C10orf90: variants seen among roughly 807,000 people sequenced by gnomAD.
C10orf90 encodes chromosome 10 open reading frame 90, also known as (E2-independent) E3 ubiquitin-conjugating enzyme FATS.
Under a neutral mutation model 62.5 loss-of-function variants are expected in C10orf90, and 56 were observed. The observed-to-expected ratio is 0.90, with a 90% CI of 0.72 to 1.12. C10orf90 has a LOEUF of 1.12. C10orf90 is among the 50% of genes most tolerant of loss of function. The probability of loss-of-function intolerance (pLI) is 0.00; values close to 1 mark genes in which losing one functional copy is unlikely to be tolerated. For missense variants in C10orf90, 970 were observed against 880.4 expected (o/e 1.10, Z -1.29); for synonymous variants, 386 against 340.4 (o/e 1.13, Z -1.47).
chr10:126,560,322 T>C (rs1025883409), intron 2 of C10orf90, among the ~76,000 whole-genome samples: 7 of 152,206 alleles, frequency 4.6e-5, no homozygotes, highest in African/African-American at 7.2e-5. Context: ...AAATTAATTT[T>C]CCACTTTACT....
chr10:126,518,391 C>T (rs542868375), intron 2 of C10orf90, among the ~76,000 whole-genome samples: 11 of 152,114 alleles, frequency 7.2e-5, no homozygotes, highest in Non-Finnish European at 1.5e-5. Flanking sequence ...CTTAAGACAT[C>T]TTTTACAGAT....
intron 2 of C10orf90, among the ~76,000 whole-genome samples, chr10:126,629,050 C>T (rs1242109281): frequency 6.6e-6 from 1 of 152,190 alleles, no homozygotes; most frequent in African/African-American, 2.4e-5. Context: ...TGCCAATGCA[C>T]AAATTAGGAT....
chr10:126,600,609 A>T (rs1448406052), intron 2 of C10orf90, among the ~76,000 whole-genome samples: 2 of 152,208 alleles, frequency 1.3e-5, no homozygotes, highest in African/African-American at 4.8e-5. Flanking sequence ...TAATGCTCTG[A>T]ATTTAAAAGT....
chr10:126,596,110 G>A (rs1432987638), intron 2 of C10orf90, among the ~76,000 whole-genome samples: 1 of 150,330 alleles, frequency 6.7e-6, no homozygotes, highest in African/African-American at 2.5e-5. Flanking sequence ...ATCAGCCTGG[G>A]CTACATAGTG....
intron 4 of C10orf90, among the ~76,000 whole-genome samples, chr10:126,477,110 T>TTTTTTTTTTTG (rs1860928201): frequency 1.2e-5 from 1 of 84,690 alleles, no homozygotes; most frequent in Non-Finnish European, 2.3e-5. Context: ...TTTTTTTTTT[T>TTTTTTTTTTTG]TTTTTTTTGG....
In C10orf90 at chr10:126,670,469, A is replaced by G. The variant is rs1449771656; in HGVS notation, c.12T>C (p.Ser4=). The G allele has an allele frequency of 2.2e-6, 1 of 456,562 alleles. No individual in the cohort carries two copies. The highest frequency in any genetic ancestry group is 4.4e-6 in the Non-Finnish European group (1 of 226,974). The allele number at this position is 456,562 out of a possible 1,614,324, so 28.3% of individuals were successfully genotyped here. ...GCGGATGAGTTTTTGTAGGAATTCCAGAGTGCTGCATGAGACTCAGTATCT... is the reference window on the plus strand; with the variant it reads ...GCGGATGAGTTTTTGTAGGAATTCCGGAGTGCTGCATGAGACTCAGTATCT... The part of the protein sequence containing the change: MQH[S]GIPTKTHPQG... Residue 4 remains serine (S), a synonymous_variant, in exon 1 of 10, where the codon TCT becomes TCC. Coordinates refer to ENST00000488181, the MANE Select transcript of C10orf90 (RefSeq NM_001350921.2).
At chr10:126,545,663 A>G (rs1054338066) in intron 2 of C10orf90, among the ~76,000 whole-genome samples, 2 of 152,154 alleles carry the variant, frequency 1.3e-5, no homozygotes, top group East Asian at 1.9e-4. Flanking sequence ...AAATATGAGA[A>G]AGATGTATCC....
intron 4 of C10orf90, among the ~76,000 whole-genome samples, chr10:126,484,630 C>T (rs1590987743): frequency 6.6e-6 from 1 of 152,172 alleles, no homozygotes; most frequent in African/African-American, 2.4e-5. Flanking sequence ...GCGCACATTA[C>T]CACGATACTT....
intron 2 of C10orf90, among the ~76,000 whole-genome samples, chr10:126,601,191 G>T (rs1441575724): frequency 6.6e-6 from 1 of 152,158 alleles, no homozygotes; most frequent in Non-Finnish European, 1.5e-5. Flanking sequence ...GTCACCAGGG[G>T]TAGGGGCTGA....
intron 2 of C10orf90, among the ~76,000 whole-genome samples, chr10:126,605,578 T>A (rs1434837445): frequency 6.6e-6 from 1 of 152,150 alleles, no homozygotes; most frequent in Non-Finnish European, 1.5e-5. Context: ...TCCTCGCAGC[T>A]CCTAGCCCCT....
chr10:126,572,143 G>A (rs927855053), intron 2 of C10orf90, among the ~76,000 whole-genome samples: 1 of 152,142 alleles, frequency 6.6e-6, no homozygotes, highest in African/African-American at 2.4e-5. Flanking sequence ...GGCGATAGGA[G>A]GTCGGCAGAA....
At chr10:126,558,645 T>C (rs972583786) in intron 2 of C10orf90, among the ~76,000 whole-genome samples, 1 of 152,208 alleles carries the variant, frequency 6.6e-6, no homozygotes, top group Non-Finnish European at 1.5e-5. Flanking sequence ...TGAGTGGGGC[T>C]CCTTGCTCTG....
chr10:126,626,905 A>T (rs1845753831), intron 2 of C10orf90, among the ~76,000 whole-genome samples: 1 of 152,168 alleles, frequency 6.6e-6, no homozygotes. Flanking sequence ...CGCTGCCATG[A>T]CAAAGGCCAT....
At chr10:126,583,498 TTC>T (rs1224836074) in intron 2 of C10orf90, among the ~76,000 whole-genome samples, 3 of 152,258 alleles carry the variant, frequency 2.0e-5, no homozygotes, top group Non-Finnish European at 4.4e-5. Flanking sequence ...TAAATTTTCA[TTC>T]TGTTTCATAT....
intron 3 of C10orf90, among the ~76,000 whole-genome samples, chr10:126,508,275 A>G (rs1480221765): frequency 6.6e-6 from 1 of 151,586 alleles, no homozygotes; most frequent in Non-Finnish European, 1.5e-5. Flanking sequence ...GTTGCTCAGG[A>G]TCTATGGGGA....
At chr10:126,549,151 T>C (rs566076199) in intron 2 of C10orf90, among the ~76,000 whole-genome samples, 8 of 152,266 alleles carry the variant, frequency 5.3e-5, no homozygotes, top group East Asian at 1.9e-4. Flanking sequence ...AAAGGAAAAA[T>C]TGACAAATTG....
chr10:126,642,348 T>C (rs192261201), intron 2 of C10orf90, among the ~76,000 whole-genome samples: 8,289 of 151,868 alleles, frequency 0.055, 559 homozygotes, highest in African/African-American at 0.16. Context: ...CTGGCTAACA[T>C]GGTGAAACCC....
At chr10:126,502,064 A>ACACACAC (rs1862427485) in intron 4 of C10orf90, among the ~76,000 whole-genome samples, 1 of 148,630 alleles carries the variant, frequency 6.7e-6, no homozygotes, top group Non-Finnish European at 1.5e-5. Context: ...ACACACGCAC[A>ACACACAC]CACACACCAC....
At chr10:126,599,232 T>A (rs1033651238) in intron 2 of C10orf90, among the ~76,000 whole-genome samples, 3 of 150,042 alleles carry the variant, frequency 2.0e-5, no homozygotes, top group Admixed American at 6.7e-5. Context: ...TCACCCAGGC[T>A]GGAGTGCAGT....
Sources: gnomAD v4.1 joint callset for allele counts (sites outside exome capture counted in the v4.1 genomes callset) on GRCh38, gnomAD v4.1.1 for gene constraint, MANE v1.5 for transcripts, NCBI Gene and HGNC (gene_info 2026-07-23, HGNC 2026-07-21) for gene names.